The following SLC35F3 variants were observed in gnomAD, a reference collection of about 807,000 sequenced individuals.
SLC35F3 encodes the protein putative thiamine transporter SLC35F3.
In SLC35F3, 25 loss-of-function variants were observed where a neutral mutation model predicts 49.9. The observed-to-expected ratio is 0.50, with a 90% CI of 0.37 to 0.70. SLC35F3 has a LOEUF of 0.70. Among genes scored for constraint, SLC35F3 ranks in the 30% least tolerant of loss-of-function variants. The pLI is 0.00. For synonymous variants in SLC35F3, 275 were observed against 265.4 expected, an observed-to-expected ratio of 1.04 and a Z score of -0.35; for missense variants, 525 against 639.8, an observed-to-expected ratio of 0.82 and a Z score of 1.94.
At chr1:233,913,302 C>T (rs972713437) in intron 2 of SLC35F3, among the ~76,000 whole-genome samples, 1 of 152,188 alleles carries the variant, frequency 6.6e-6, no homozygotes, top group African/African-American at 2.4e-5. Flanking sequence ...CAGAAACAGA[C>T]TACAGTACAT....
chr1:234,163,021 A>T (rs763843158), intron 2 of SLC35F3, among the ~76,000 whole-genome samples: 26 of 152,274 alleles, frequency 1.7e-4, no homozygotes, highest in Non-Finnish European at 2.8e-4. Context: ...CACTCTGCCC[A>T]TGTCTGTAAA....
intron 2 of SLC35F3, among the ~76,000 whole-genome samples, chr1:233,945,573 G>A (rs528498850): frequency 2.6e-5 from 4 of 152,306 alleles, no homozygotes; most frequent in African/African-American, 9.6e-5. Context: ...ACATATCTCA[G>A]GGATGTTGAT....
intron 3 of SLC35F3, among the ~76,000 whole-genome samples, chr1:234,242,717 A>G (rs1008617459): frequency 2.0e-5 from 3 of 152,254 alleles, no homozygotes; most frequent in African/African-American, 7.2e-5. Context: ...TGTAACATTC[A>G]GGAGTGCATC....
At chr1:234,201,829 G>T (rs1474590176) in intron 2 of SLC35F3, among the ~76,000 whole-genome samples, 1 of 151,192 alleles carries the variant, frequency 6.6e-6, no homozygotes, top group Non-Finnish European at 1.5e-5. Context: ...GTTTAAAGAA[G>T]GGGTTAACAG....
intron 2 of SLC35F3, among the ~76,000 whole-genome samples, chr1:233,927,587 T>A (rs1170636245): frequency 6.6e-6 from 1 of 152,144 alleles, no homozygotes; most frequent in Non-Finnish European, 1.5e-5. Context: ...GATGTTTACA[T>A]AATTTTCATT....
At chr1:234,068,867 T>C (rs1413514296) in intron 2 of SLC35F3, among the ~76,000 whole-genome samples, 1 of 112,004 alleles carries the variant, frequency 8.9e-6, no homozygotes, top group Non-Finnish European at 1.8e-5. Flanking sequence ...GGCATATTTA[T>C]ATATATTTTA....
chr1:234,168,054 T>C (rs1339720879), intron 2 of SLC35F3, among the ~76,000 whole-genome samples: 2 of 152,210 alleles, frequency 1.3e-5, no homozygotes, highest in African/African-American at 2.4e-5. Context: ...TGAACTCGTA[T>C]GTACAAAAAC....
intron 2 of SLC35F3, among the ~76,000 whole-genome samples, chr1:234,093,805 C>T (rs1197976164): frequency 1.3e-5 from 2 of 152,240 alleles, no homozygotes; most frequent in Non-Finnish European, 2.9e-5. Flanking sequence ...TGGACAGAAA[C>T]AAAGACAAGT....
At chr1:234,164,012 A>AC (rs897954390) in intron 2 of SLC35F3, among the ~76,000 whole-genome samples, 4 of 152,036 alleles carry the variant, frequency 2.6e-5, no homozygotes, top group African/African-American at 9.7e-5. Flanking sequence ...TAATGCAAAA[A>AC]AAAAGCAAAT....
At chr1:233,939,296 A>T (rs562104089) in intron 2 of SLC35F3, among the ~76,000 whole-genome samples, 9 of 152,098 alleles carry the variant, frequency 5.9e-5, no homozygotes, top group Non-Finnish European at 1.3e-4. Flanking sequence ...TGCAAAAAAA[A>T]TTTAAAAAAT....
chr1:234,193,669 G>A (rs1666762838), intron 2 of SLC35F3, among the ~76,000 whole-genome samples: 1 of 152,160 alleles, frequency 6.6e-6, no homozygotes, highest in African/African-American at 2.4e-5. Context: ...CCAACAGAGT[G>A]GGAGAAAAAT....
intron 2 of SLC35F3, among the ~76,000 whole-genome samples, chr1:233,947,684 G>A (rs1662535074): frequency 6.7e-6 from 1 of 149,630 alleles, no homozygotes; most frequent in Non-Finnish European, 1.5e-5. Flanking sequence ...TGGGAACCAG[G>A]ATGATCTGAA....
At chr1:234,052,671 C>T (rs1332089399) in intron 2 of SLC35F3, among the ~76,000 whole-genome samples, 1 of 151,932 alleles carries the variant, frequency 6.6e-6, no homozygotes, top group East Asian at 1.9e-4. Flanking sequence ...TATTTCTTGC[C>T]TTCTGCTAGC....
chr1:234,265,990 A>C (rs1472708877), intron 3 of SLC35F3, among the ~76,000 whole-genome samples: 2 of 152,002 alleles, frequency 1.3e-5, no homozygotes, highest in East Asian at 3.9e-4. Context: ...TCACCCCTTC[A>C]GGCTTTTCCT....
Position 233,971,317 on chromosome 1 carries a change from G to A in SLC35F3, c.283+65559G>A, listed in dbSNP as rs144801331. The stretch of plus-strand genomic sequence containing the variant: ...CGAAGGAGAAGAACCACTTCTGAGA[G>A]CTGTTGGTAAACAAAATTTTAATGT... On this transcript the variant is annotated intron_variant, in intron 2 of 7. Coordinates refer to ENST00000366618, the MANE Select transcript of SLC35F3 (RefSeq NM_173508.4). Among the ~76,000 whole-genome samples the A allele has an allele frequency of 2.6e-3, 396 of 152,350 alleles. No homozygotes were observed. The Middle Eastern group carries it at 0.027, about 10-fold the overall frequency.
chr1:234,054,955 C>T (rs1163427439), intron 2 of SLC35F3, among the ~76,000 whole-genome samples: 1 of 152,206 alleles, frequency 6.6e-6, no homozygotes, highest in African/African-American at 2.4e-5. Context: ...GGCTGTAGAA[C>T]AGCAAATATT....
At chr1:234,004,449 AT>A (rs1278043226) in intron 2 of SLC35F3, among the ~76,000 whole-genome samples, 4 of 152,166 alleles carry the variant, frequency 2.6e-5, no homozygotes, top group Admixed American at 2.6e-4. Context: ...ATATAAAAGT[AT>A]TTTTAAAGGT....
chr1:234,034,786 G>A (rs1664117157), intron 2 of SLC35F3, among the ~76,000 whole-genome samples: 1 of 152,168 alleles, frequency 6.6e-6, no homozygotes, highest in Non-Finnish European at 1.5e-5. Flanking sequence ...GCTTCCCAAA[G>A]TGCTGGGATT....
At chr1:234,081,933 T>TTTTTTTTTTTTTTTTTTTTTTTTG (rs1664883610) in intron 2 of SLC35F3, among the ~76,000 whole-genome samples, 1 of 134,332 alleles carries the variant, frequency 7.4e-6, no homozygotes, top group African/African-American at 2.9e-5. Flanking sequence ...TTTTTTTTTT[T>TTTTTTTTTTTTTTTTTTTTTTTTG]TTTAGTAGAG....
Sources: gnomAD v4.1 joint callset for allele counts (sites outside exome capture counted in the v4.1 genomes callset) on GRCh38, gnomAD v4.1.1 for gene constraint, MANE v1.5 for transcripts, NCBI Gene and HGNC (gene_info 2026-07-23, HGNC 2026-07-21) for gene names.